Variants in CLIC5 observed in about 807,000 individuals in gnomAD.
CLIC5 encodes CLIC family member 5.
In CLIC5, 20 loss-of-function variants were observed where a neutral mutation model predicts 24.7. The observed-to-expected ratio is 0.81, with a 90% CI of 0.57 to 1.18. The LOEUF is 1.18. CLIC5 is among the 50% of genes most tolerant of loss of function. The probability of loss-of-function intolerance (pLI) is 0.00; values close to 1 mark genes in which losing one functional copy is unlikely to be tolerated. For synonymous variants in CLIC5, 159 were observed against 135.6 expected, an observed-to-expected ratio of 1.17 and a Z score of -1.20; for missense variants, 341 against 326.1, an observed-to-expected ratio of 1.05 and a Z score of -0.35.
the CLIC5 span, among the ~76,000 whole-genome samples, chr6:46,103,132 A>AT: frequency 6.6e-6 from 1 of 152,176 alleles, no homozygotes; most frequent in Non-Finnish European, 1.5e-5. Flanking sequence ...ACTTGAAGAG[A>AT]TTAACTAATT....
intron 1 of CLIC5, among the ~76,000 whole-genome samples, chr6:46,049,051 C>A (rs1262111445): frequency 1.3e-5 from 2 of 152,088 alleles, no homozygotes; most frequent in Non-Finnish European, 2.9e-5. Context: ...TTTGAATATC[C>A]CCTGCAACTA....
chr6:45,978,736 C>T (rs762754005), intron 1 of CLIC5, among the ~76,000 whole-genome samples: 22 of 152,122 alleles, frequency 1.4e-4, no homozygotes, highest in Non-Finnish European at 2.8e-4. Flanking sequence ...GCGAGTGGAT[C>T]ACCTGAAGTC....
chr6:45,923,625 A>G (rs1034949198), intron 4 of CLIC5, among the ~76,000 whole-genome samples: 2 of 152,174 alleles, frequency 1.3e-5, no homozygotes, highest in African/African-American at 4.8e-5. Context: ...CTTTCCCCAC[A>G]TGGATTGCTG....
intron 4 of CLIC5, among the ~76,000 whole-genome samples, chr6:45,915,448 A>G (rs1484735831): frequency 1.3e-5 from 2 of 152,162 alleles, no homozygotes; most frequent in Non-Finnish European, 2.9e-5. Context: ...GGGGGACTTG[A>G]CAGGGGGAAT....
intron 1 of CLIC5, among the ~76,000 whole-genome samples, chr6:46,030,525 G>A (rs1212036090): frequency 2.0e-5 from 3 of 152,062 alleles, no homozygotes; most frequent in African/African-American, 4.8e-5. Context: ...GTCACACCCC[G>A]CCCTTGCTCA....
the CLIC5 span, among the ~76,000 whole-genome samples, chr6:46,088,646 C>CT: frequency 6.6e-6 from 1 of 151,850 alleles, no homozygotes; most frequent in Non-Finnish European, 1.5e-5. Context: ...CATTTTTATT[C>CT]TTTTTTAAAA....
intron 1 of CLIC5, among the ~76,000 whole-genome samples, chr6:46,022,899 T>C (rs569962568): frequency 6.6e-6 from 1 of 152,184 alleles, no homozygotes; most frequent in South Asian, 2.1e-4. Flanking sequence ...GTATTATTCC[T>C]TCCGGGATTG....
chr6:46,099,545 T>C, the CLIC5 span, among the ~76,000 whole-genome samples: 4 of 152,344 alleles, frequency 2.6e-5, no homozygotes, highest in Non-Finnish European at 2.9e-5. Context: ...AGCTGTCATT[T>C]GCAGTATCTC....
At chr6:46,083,090 A>AT (rs1200971926), upstream of CLIC5, among the ~76,000 whole-genome samples, 1 of 152,180 alleles carries the variant, frequency 6.6e-6, no homozygotes. Flanking sequence ...GCCCATGCCT[A>AT]TTTTTTCACG....
chr6:46,076,964 C>G (rs1442782308), intron 1 of CLIC5, among the ~76,000 whole-genome samples: 1 of 151,960 alleles, frequency 6.6e-6, no homozygotes, highest in African/African-American at 2.4e-5. Context: ...TAGTGAAAAC[C>G]CGTCTCTACT....
At chr6:46,072,859 G>A (rs1198707155) in intron 1 of CLIC5, among the ~76,000 whole-genome samples, 2 of 152,278 alleles carry the variant, frequency 1.3e-5, no homozygotes, top group Admixed American at 1.3e-4. Context: ...GAGAGTTCAT[G>A]GACCCTCCTG....
chr6:45,979,951 C>CTTTTTTTTTTTTTTTTTTT (rs3997321), intron 1 of CLIC5, among the ~76,000 whole-genome samples: 1 of 95,060 alleles, frequency 1.1e-5, no homozygotes, highest in Non-Finnish European at 2.0e-5. Context: ...GACTTAGTCA[C>CTTTTTTTTTTTTTTTTTTT]TTTTTTTTTT....
chr6:45,949,565 C>T (rs969830025), intron 2 of CLIC5, among the ~76,000 whole-genome samples, 184 bp from the exon 3 acceptor site: 11 of 152,000 alleles, frequency 7.2e-5, no homozygotes, highest in Non-Finnish European at 1.5e-4. Context: ...TGTGGTGTGA[C>T]CCAGGAAGTG....
At chr6:46,112,521 C>T in the CLIC5 span, among the ~76,000 whole-genome samples, 1 of 152,176 alleles carries the variant, frequency 6.6e-6, no homozygotes, top group African/African-American at 2.4e-5. Context: ...GGTAATCACT[C>T]TGTGGTTTGC....
chr6:45,891,226 A>G (rs905292254), intron 6 of CLIC5, among the ~76,000 whole-genome samples: 1 of 152,212 alleles, frequency 6.6e-6, no homozygotes, highest in Non-Finnish European at 1.5e-5. Context: ...AAAATAAAAT[A>G]AGACAAAAAA....
At chr6:46,072,570 T>C (rs866330441) in intron 1 of CLIC5, among the ~76,000 whole-genome samples, 1 of 152,166 alleles carries the variant, frequency 6.6e-6, no homozygotes, top group African/African-American at 2.4e-5. Flanking sequence ...CAAAACATTC[T>C]TTAGAAAAAA....
At chr6:46,011,437 A>T (rs1766806169) in intron 1 of CLIC5, among the ~76,000 whole-genome samples, 1 of 152,212 alleles carries the variant, frequency 6.6e-6, no homozygotes, top group Non-Finnish European at 1.5e-5. Context: ...CTGAGAGTGG[A>T]TATGAAAATA....
intron 6 of CLIC5, among the ~76,000 whole-genome samples, chr6:45,890,680 C>A (rs149039943): frequency 6.6e-6 from 1 of 152,014 alleles, no homozygotes; most frequent in Non-Finnish European, 1.5e-5. Flanking sequence ...AATCGACAAA[C>A]GAATGGATTT....
Position 46,015,555 on chromosome 6 carries a change from C to T in CLIC5, c.-13G>A, listed in dbSNP as rs1766972514. 3 of 1,563,552 alleles carry T rather than the reference C, an allele frequency of 1.9e-6. No individual in the cohort carries two copies. Among genetic ancestry groups the T allele is most frequent in the East Asian group, 2.5e-5 (1 of 40,564 alleles). On this transcript the variant is annotated 5_prime_UTR_variant, in exon 1 of 6. Coordinates refer to ENST00000339561, the MANE Select transcript of CLIC5 (RefSeq NM_016929.5). Reference sequence around the variant, plus strand: ...CCGAGTCTGTCATGCCGTTGGCGCCCGGGGCTACCGTCCCGGGCCGGGGAG... The same window carrying T: ...CCGAGTCTGTCATGCCGTTGGCGCCTGGGGCTACCGTCCCGGGCCGGGGAG...
Sources: gnomAD v4.1 joint callset for allele counts (sites outside exome capture counted in the v4.1 genomes callset) on GRCh38, gnomAD v4.1.1 for gene constraint, MANE v1.5 for transcripts, NCBI Gene and HGNC (gene_info 2026-07-23, HGNC 2026-07-21) for gene names.